EXOC6: variants seen among roughly 807,000 people sequenced by gnomAD.
EXOC6 encodes exocyst complex component 6.
Under a neutral mutation model 112.5 loss-of-function variants are expected in EXOC6, and 60 were observed. The ratio of observed to expected loss-of-function variants is 0.53; its 90% CI spans 0.43 to 0.66. The LOEUF (loss-of-function observed/expected upper bound fraction) is 0.66, where lower values mean the gene tolerates loss of function less well. Among genes scored for constraint, EXOC6 ranks in the 30% least tolerant of loss-of-function variants. The pLI, the probability that EXOC6 is intolerant of heterozygous loss-of-function variation, is 0.00. For synonymous variants in EXOC6, 295 were observed against 308.0 expected (o/e 0.96, Z 0.44); for missense variants, 855 against 957.1 (o/e 0.89, Z 1.41).
chr10:92,859,264 A>G (rs928353652), intron 1 of EXOC6, among the ~76,000 whole-genome samples: 15 of 152,038 alleles, frequency 9.9e-5, no homozygotes, highest in Non-Finnish European at 1.5e-5. Context: ...GGACTATTCT[A>G]ATCAAGTGTA....
At chr10:93,049,089 G>A (rs60777053) in intron 20 of EXOC6, among the ~76,000 whole-genome samples, 3 of 148,826 alleles carry the variant, frequency 2.0e-5, no homozygotes, top group Admixed American at 6.7e-5. Context: ...GCAGAGTCTC[G>A]CTCTGTCGCC....
chr10:93,024,392 A>G (rs929562069), intron 20 of EXOC6, among the ~76,000 whole-genome samples: 1 of 152,128 alleles, frequency 6.6e-6, no homozygotes, highest in African/African-American at 2.4e-5. Flanking sequence ...AGCACTTTAT[A>G]TTTTAACCCC....
At chr10:92,926,730 C>T (rs1318521572) in intron 8 of EXOC6, among the ~76,000 whole-genome samples, 2 of 151,982 alleles carry the variant, frequency 1.3e-5, no homozygotes, top group African/African-American at 4.8e-5. Flanking sequence ...GATGGAGTCT[C>T]ACCACGTTGC....
At chr10:92,835,432 G>A (rs563992423) in intron 1 of EXOC6, among the ~76,000 whole-genome samples, 2 of 152,264 alleles carry the variant, frequency 1.3e-5, no homozygotes, top group East Asian at 3.9e-4. Context: ...GTGTCATTGT[G>A]TTCAAAGGGC....
chr10:93,013,500 C>G (rs1174064744), intron 19 of EXOC6, among the ~76,000 whole-genome samples: 1 of 151,636 alleles, frequency 6.6e-6, no homozygotes, highest in Admixed American at 6.6e-5. Context: ...CCCAGCTACT[C>G]GGGAGGCTGA....
chr10:92,952,896 CA>C (rs1853499653), intron 15 of EXOC6, among the ~76,000 whole-genome samples: 1 of 152,004 alleles, frequency 6.6e-6, no homozygotes, highest in Non-Finnish European at 1.5e-5. Flanking sequence ...GGGTAGAGGC[CA>C]GGGGTGCTGC....
intron 20 of EXOC6, among the ~76,000 whole-genome samples, chr10:93,015,772 G>T (rs577041371): frequency 2.6e-4 from 39 of 151,994 alleles, no homozygotes; most frequent in Non-Finnish European, 5.1e-4. Flanking sequence ...GAAATAATTG[G>T]TATATCTTCA....
At chr10:92,948,182 T>G in intron 13 of EXOC6, 92 bp from the exon 14 acceptor site, 1 of 736,010 alleles carries the variant, frequency 1.4e-6, no homozygotes, top group South Asian at 2.1e-5. Context: ...AAAACTGCTT[T>G]TGTAATAGTT....
intron 18 of EXOC6, among the ~76,000 whole-genome samples, chr10:92,985,411 T>A (rs970636740): frequency 2.0e-5 from 3 of 152,248 alleles, no homozygotes; most frequent in Admixed American, 2.0e-4. Flanking sequence ...GCTTTCTGTC[T>A]TGCAGAAAGC....
chr10:92,948,573 C>CCACTACT (rs1554900785), intron 14 of EXOC6, among the ~76,000 whole-genome samples, 194 bp downstream of exon 14: 17 of 140,184 alleles, frequency 1.2e-4, no homozygotes, highest in African/African-American at 3.7e-4. Flanking sequence ...CTACTACTAC[C>CCACTACT]ACTACTACTA....
At chr10:92,923,891 A>G (rs1851572991) in intron 8 of EXOC6, among the ~76,000 whole-genome samples, 3 of 152,170 alleles carry the variant, frequency 2.0e-5, no homozygotes, top group Admixed American at 2.0e-4. Context: ...ACCATGGTGC[A>G]TTGTCTTGAG....
intron 18 of EXOC6, among the ~76,000 whole-genome samples, chr10:92,975,694 A>C: frequency 9.0e-6 from 1 of 111,650 alleles, no homozygotes; most frequent in South Asian, 3.2e-4. Context: ...CCTACTGGGA[A>C]GTGAGGAGCC....
intron 1 of EXOC6, among the ~76,000 whole-genome samples, chr10:92,867,957 G>C (rs1399581227): frequency 6.6e-6 from 1 of 152,116 alleles, no homozygotes; most frequent in African/African-American, 2.4e-5. Context: ...ATGCTAGATA[G>C]GACATTCAGT....
intron 5 of EXOC6, among the ~76,000 whole-genome samples, chr10:92,902,230 G>T (rs986033078): frequency 3.9e-5 from 6 of 152,044 alleles, no homozygotes; most frequent in Non-Finnish European, 5.9e-5. Flanking sequence ...GGTACTTAGT[G>T]AGCCTTCTTT....
intron 1 of EXOC6, among the ~76,000 whole-genome samples, chr10:92,878,753 A>G (rs918241498): frequency 3.3e-5 from 5 of 152,134 alleles, no homozygotes; most frequent in Admixed American, 3.3e-4. Flanking sequence ...ATGCCTATCT[A>G]CCTGTAACAA....
intron 6 of EXOC6, among the ~76,000 whole-genome samples, chr10:92,911,946 TG>T (rs2133880188): frequency 3.4e-5 from 3 of 87,588 alleles, no homozygotes; most frequent in African/African-American, 9.5e-5. Context: ...TGCGTGTGTG[TG>T]TGTGTGTGTG....
intron 1 of EXOC6, among the ~76,000 whole-genome samples, chr10:92,864,992 G>A (rs139707085): frequency 2.1e-3 from 325 of 152,186 alleles, no homozygotes; most frequent in African/African-American, 7.7e-3. Context: ...AATTATTTAT[G>A]TTAACATGCA....
At chr10:93,034,286 G>A (rs1845409046) in intron 20 of EXOC6, among the ~76,000 whole-genome samples, 1 of 152,170 alleles carries the variant, frequency 6.6e-6, no homozygotes, top group African/African-American at 2.4e-5. Flanking sequence ...TCATATCATA[G>A]GTGAACTATT....
chr10:92,850,012 CATTATT>C (rs1234054087), intron 1 of EXOC6, among the ~76,000 whole-genome samples: 2 of 152,122 alleles, frequency 1.3e-5, no homozygotes, highest in Admixed American at 1.3e-4. Context: ...AATTTTCCAA[CATTATT>C]ATTTCTTTTA....
Sources: allele counts gnomAD v4.1 joint callset (sites outside exome capture counted in the v4.1 genomes callset), GRCh38; gene constraint gnomAD v4.1.1; transcripts MANE v1.5; gene names NCBI Gene and HGNC (gene_info 2026-07-23, HGNC 2026-07-21).